The following DOCK10 variants were observed in gnomAD, a reference collection of about 807,000 sequenced individuals.
DOCK10 encodes the protein dedicator of cytokinesis protein 10.
A neutral mutation model predicts 280.1 loss-of-function variants in DOCK10; 145 were observed. The observed-to-expected ratio is 0.52, with a 90% CI of 0.45 to 0.59. The LOEUF (loss-of-function observed/expected upper bound fraction) is 0.59, where lower values mean the gene tolerates loss of function less well. Ranked by LOEUF, DOCK10 falls within the 20% of genes least tolerant of loss-of-function variation. The pLI, the probability that DOCK10 is intolerant of heterozygous loss-of-function variation, is 0.00. For synonymous variants in DOCK10, 915 were observed against 942.2 expected, an observed-to-expected ratio of 0.97 and a Z score of 0.53; for missense variants, 2,368 against 2,651.7, an observed-to-expected ratio of 0.89 and a Z score of 2.35.
chr2:224,869,344 G>C (rs1698121796), intron 11 of DOCK10, among the ~76,000 whole-genome samples: 1 of 152,134 alleles, frequency 6.6e-6, no homozygotes, highest in Non-Finnish European at 1.5e-5. Flanking sequence ...TTATTTCAGG[G>C]AGTCTTCAGA....
rs148009619 is a variant in DOCK10 at position 225,030,469 on chromosome 2, A to G, written c.123+11783T>C. On this transcript the variant is annotated intron_variant, in intron 1 of 55. Coordinates refer to ENST00000258390, the MANE Select transcript of DOCK10 (RefSeq NM_014689.3). Reference sequence around the variant, plus strand: ...GCTCACACTCCTTGGACTTTAATCAATCATTTTTCTGCACCCTGCTCGGGG... The same window carrying G: ...GCTCACACTCCTTGGACTTTAATCAGTCATTTTTCTGCACCCTGCTCGGGG... 4.2e-3 allele frequency among the ~76,000 whole-genome samples: 633 copies of G among 152,282 alleles called. 6 individuals are homozygous for G. The highest frequency in any genetic ancestry group is 0.015 in the African/African-American group (613 of 41,564).
In DOCK10 at chr2:224,775,236, G is replaced by A. The variant is rs1445274555; in HGVS notation, c.5803-121C>T. The A allele has an allele frequency of 3.5e-6, 3 of 849,654 alleles. No homozygotes were observed. In the African/African-American group the frequency reaches 5.1e-5, roughly 14 times the overall value. The allele number at this position is 849,654 out of a possible 1,614,324, so 52.6% of individuals were successfully genotyped here. On this transcript the variant is annotated intron_variant, in intron 51 of 55. Transcript: ENST00000258390. The stretch of plus-strand genomic sequence containing the variant: ...TGTGCCTCTCCCCTTGGAGAAAAAT[G>A]GGCAGTCACATCATTTCAGAGCTGG...
Position 224,864,927 on chromosome 2 carries a change from C to T in DOCK10, c.1418G>A (p.Arg473Lys), listed in dbSNP as rs756922584. 5.6e-6 allele frequency: 9 copies of T among 1,613,808 alleles called. No individual in the cohort carries two copies. Among genetic ancestry groups the T allele is most frequent in the Non-Finnish European group, 7.6e-6 (9 of 1,179,880 alleles). ...CTTGATGTGAGGTTCTTCTGATTGTCTTGGAGTGATGGTGTCGATGTTGCC... is the reference window on the plus strand; with the variant it reads ...CTTGATGTGAGGTTCTTCTGATTGTTTTGGAGTGATGGTGTCGATGTTGCC... Reference protein sequence around the residue: ...ENGNIDTITPRQSEEPHIKGL... With the variant: ...ENGNIDTITPKQSEEPHIKGL... Residue 473 changes from arginine (R) to lysine (K), a missense_variant, in exon 12 of 56, where the codon AGA becomes AAA. Around this residue, in one of 2 missense-constraint regions of DOCK10, gnomAD observed 1,209 missense variants for 1,250.9 expected, o/e 0.97. Coordinates refer to ENST00000258390, the MANE Select transcript of DOCK10 (RefSeq NM_014689.3).
chr2:224,790,521 A>G (rs1475542504), intron 47 of DOCK10, among the ~76,000 whole-genome samples: 1 of 152,210 alleles, frequency 6.6e-6, no homozygotes, highest in African/African-American at 2.4e-5. Context: ...TTTAATAATC[A>G]GCTCATTGGT....
chr2:224,872,530 C>A (rs1013541504), intron 11 of DOCK10, among the ~76,000 whole-genome samples: 11 of 152,192 alleles, frequency 7.2e-5, no homozygotes, highest in Admixed American at 7.2e-4. Context: ...TGCTCTACAC[C>A]TGGGGTAGGA....
At chr2:225,012,601 C>T (rs1689475170) in intron 1 of DOCK10, among the ~76,000 whole-genome samples, 1 of 152,032 alleles carries the variant, frequency 6.6e-6, no homozygotes, top group Non-Finnish European at 1.5e-5. Context: ...TCAGATAGTC[C>T]AAAAGAGATT....
chr2:224,945,085 T>C (rs1375649833), intron 1 of DOCK10, among the ~76,000 whole-genome samples: 1 of 152,220 alleles, frequency 6.6e-6, no homozygotes, highest in Admixed American at 6.5e-5. Context: ...CTCGGTAAGA[T>C]AGACACGTTC....
intron 3 of DOCK10, among the ~76,000 whole-genome samples, chr2:224,909,143 G>T (rs1304841206): frequency 1.3e-5 from 2 of 152,246 alleles, no homozygotes; most frequent in East Asian, 3.9e-4. Flanking sequence ...AACTTTATAT[G>T]ATCCCTTTGT....
chr2:224,841,965 T>A (rs1026097827), intron 22 of DOCK10, 69 bp from the exon 23 acceptor site: 11 of 1,110,278 alleles, frequency 9.9e-6, no homozygotes, highest in Admixed American at 1.7e-5. Flanking sequence ...CAAACCACTG[T>A]GATGTGAGGT....
At chr2:225,037,847 G>A (rs1690303527) in intron 1 of DOCK10, among the ~76,000 whole-genome samples, 1 of 152,124 alleles carries the variant, frequency 6.6e-6, no homozygotes, top group Non-Finnish European at 1.5e-5. Flanking sequence ...AAGTTTTCTA[G>A]AACCTACTTG....
intron 1 of DOCK10, among the ~76,000 whole-genome samples, chr2:224,968,483 C>T (rs1156455576): frequency 1.3e-5 from 2 of 152,226 alleles, no homozygotes; most frequent in Admixed American, 6.5e-5. Context: ...CACATAGCTG[C>T]TTTTAATCCA....
At chr2:224,905,112 T>C (rs1459292421) in intron 3 of DOCK10, among the ~76,000 whole-genome samples, 1 of 152,220 alleles carries the variant, frequency 6.6e-6, no homozygotes, top group Admixed American at 6.5e-5. Flanking sequence ...CAAAGAGATT[T>C]CATTTTCAAT....
chr2:224,796,908 G>A, intron 43 of DOCK10, 56 bp downstream of exon 43: 1 of 1,536,336 alleles, frequency 6.5e-7, no homozygotes, highest in South Asian at 1.2e-5. Flanking sequence ...TTTAAGCACT[G>A]CTGAAACAGA....
Position 224,811,487 on chromosome 2 carries a change from T to G in DOCK10, c.3409+2833A>C, listed in dbSNP as rs1574861411. Among the ~76,000 whole-genome samples the G allele has an allele frequency of 2.0e-5, 3 of 152,310 alleles. No individual in the cohort carries two copies. In the South Asian group the frequency reaches 6.2e-4, roughly 32 times the overall value. On this transcript the variant is annotated intron_variant, in intron 31 of 55. Transcript: ENST00000258390. The stretch of plus-strand genomic sequence containing the variant: ...TTTGCTGTGCAGAAGCTCTTTAGTT[T>G]AATTAGATCCCATTTGTCAATTTTG...
Position 225,002,398 on chromosome 2 carries a change from C to G in DOCK10, c.123+39854G>C, listed in dbSNP as rs1199679719. Among the ~76,000 whole-genome samples, 2 of 152,166 alleles carry G rather than the reference C, an allele frequency of 1.3e-5. 1 individual carries two copies. The highest frequency in any genetic ancestry group is 4.8e-5 in the African/African-American group (2 of 41,436). On this transcript the variant is annotated intron_variant, in intron 1 of 55. Coordinates refer to ENST00000258390, the MANE Select transcript of DOCK10 (RefSeq NM_014689.3). ...TACCAAGTGGCATGCTGAATAAAAG[C>G]AGGCACAGACCAAGAACAGCAATGA...
intron 1 of DOCK10, among the ~76,000 whole-genome samples, chr2:225,005,801 T>C (rs974133697): frequency 8.5e-5 from 13 of 152,202 alleles, no homozygotes; most frequent in South Asian, 4.1e-4. Context: ...TTATCCTCAG[T>C]GTAATCTGAA....
chr2:224,921,779 T>C (rs933767712), intron 2 of DOCK10, among the ~76,000 whole-genome samples: 1 of 152,136 alleles, frequency 6.6e-6, no homozygotes, highest in Non-Finnish European at 1.5e-5. Flanking sequence ...TTGTATTTTA[T>C]TATAATGCTG....
At chr2:224,923,567 G>C (rs557680605) in intron 2 of DOCK10, among the ~76,000 whole-genome samples, 1 of 152,218 alleles carries the variant, frequency 6.6e-6, no homozygotes, top group Non-Finnish European at 1.5e-5. Flanking sequence ...GCCCAGTGAA[G>C]AGGGTTGCCT....
intron 9 of DOCK10, 72 bp downstream of exon 9, chr2:224,874,594 G>A (rs1017019822): frequency 7.1e-6 from 10 of 1,403,386 alleles, no homozygotes; most frequent in East Asian, 4.6e-5. Context: ...AAGCATTTAC[G>A]TCTTTTCCAT....
Sources: allele counts gnomAD v4.1 joint callset (sites outside exome capture counted in the v4.1 genomes callset), GRCh38; gene constraint gnomAD v4.1.1; regional missense constraint gnomAD v4.1.1; transcripts MANE v1.5; gene names NCBI Gene and HGNC (gene_info 2026-07-23, HGNC 2026-07-21).